KCNMB2: variants seen among roughly 807,000 people sequenced by gnomAD.
KCNMB2 encodes the protein calcium-activated potassium channel subunit beta-2.
KCNMB2 carries 9 observed loss-of-function variants against 24.5 expected under a neutral mutation model. The observed-to-expected ratio is 0.37, with a 90% CI of 0.22 to 0.64. The LOEUF is 0.64. KCNMB2 is among the 30% of genes least tolerant of loss of function. The probability of loss-of-function intolerance (pLI) is 0.63; values close to 1 mark genes in which losing one functional copy is unlikely to be tolerated. For synonymous variants in KCNMB2, 109 were observed against 104.4 expected, an observed-to-expected ratio of 1.04 and a Z score of -0.27; for missense variants, 226 against 284.3, an observed-to-expected ratio of 0.79 and a Z score of 1.47.
intron 1 of KCNMB2, among the ~76,000 whole-genome samples, chr3:178,732,078 AAGAC>A (rs562640397): frequency 1.3e-5 from 2 of 152,220 alleles, no homozygotes; most frequent in African/African-American, 2.4e-5. Flanking sequence ...AGAGAGAAAA[AAGAC>A]AGAGAGAGGT....
intron 2 of KCNMB2, 109 bp downstream of exon 2, chr3:178,807,574 G>T (rs1255299504): frequency 1.1e-6 from 1 of 893,786 alleles, no homozygotes; most frequent in African/African-American, 1.6e-5. Flanking sequence ...TTTGCAATGT[G>T]GGGACAGACT....
intron 1 of KCNMB2, among the ~76,000 whole-genome samples, chr3:178,564,944 C>T (rs923140012): frequency 1.9e-4 from 29 of 152,004 alleles, no homozygotes; most frequent in African/African-American, 9.7e-5. Context: ...ACTTATGATA[C>T]ATCTATATTC....
chr3:178,686,949 T>C (rs1008256053), intron 1 of KCNMB2, among the ~76,000 whole-genome samples: 1 of 152,154 alleles, frequency 6.6e-6, no homozygotes, highest in Non-Finnish European at 1.5e-5. Context: ...TTATTTATCT[T>C]TTTAACCATG....
At chr3:178,824,557 G>T (rs757838767) in intron 2 of KCNMB2, 2 of 163,064 alleles carry the variant, frequency 1.2e-5, no homozygotes, top group South Asian at 2.9e-4. Context: ...TTTTTTTTTA[G>T]TAGAGACGGG....
intron 1 of KCNMB2, among the ~76,000 whole-genome samples, chr3:178,713,876 A>G (rs528926105): frequency 1.1e-3 from 172 of 152,288 alleles, no homozygotes; most frequent in African/African-American, 3.8e-3. Context: ...CTCCCAAGTA[A>G]TATAGCCCCT....
intron 1 of KCNMB2, among the ~76,000 whole-genome samples, chr3:178,680,214 A>G (rs1721219293): frequency 6.6e-6 from 1 of 152,108 alleles, no homozygotes; most frequent in South Asian, 2.1e-4. Context: ...TGTGGGAGAG[A>G]GATAAGGTGA....
chr3:178,691,658 T>A (rs954017973), intron 1 of KCNMB2, among the ~76,000 whole-genome samples: 6 of 152,222 alleles, frequency 3.9e-5, no homozygotes, highest in Non-Finnish European at 7.3e-5. Flanking sequence ...AGTCTATCAT[T>A]GGTGGGCATT....
chr3:178,582,750 C>A (rs1717263230), intron 1 of KCNMB2, among the ~76,000 whole-genome samples: 1 of 152,076 alleles, frequency 6.6e-6, no homozygotes, highest in Non-Finnish European at 1.5e-5. Flanking sequence ...CTATATCTTT[C>A]TTAGGCCTTC....
At chr3:178,671,494 A>C (rs1474762999) in intron 1 of KCNMB2, among the ~76,000 whole-genome samples, 4 of 152,158 alleles carry the variant, frequency 2.6e-5, no homozygotes, top group African/African-American at 7.2e-5. Context: ...GCAAATGAGC[A>C]GTCTAGACTC....
chr3:178,549,667 T>C lies in KCNMB2; in HGVS notation c.-68+12956T>C, dbSNP rs76631495. The stretch of plus-strand genomic sequence containing the variant: ...AAAGCAGGTGAGCACACAGCAGTTT[T>C]AACAATAAGCTAAAGCAAGCTCTTT... On this transcript the variant is annotated intron_variant, in intron 1 of 4. Transcript: ENST00000452583. Among the ~76,000 whole-genome samples the C allele has an allele frequency of 7.6e-3, 1,151 of 152,146 alleles. 15 individuals carry two copies. The highest frequency in any genetic ancestry group is 0.027 in the African/African-American group (1,108 of 41,510).
At chr3:178,638,481 C>T (rs6443552) in intron 1 of KCNMB2, among the ~76,000 whole-genome samples, 27,205 of 152,158 alleles carry the variant, frequency 0.18, 3,534 homozygotes, top group African/African-American at 0.37. Context: ...GCCACCTCTT[C>T]TCTAAAGCTT....
intron 1 of KCNMB2, among the ~76,000 whole-genome samples, chr3:178,649,460 C>T (rs1253472023): frequency 4.0e-5 from 6 of 151,044 alleles, no homozygotes; most frequent in African/African-American, 1.5e-4. Context: ...ATTTTTTTTC[C>T]TCTTTGGTAG....
chr3:178,758,629 T>TCTCTCTCTCTCC (rs1711500866), intron 1 of KCNMB2, among the ~76,000 whole-genome samples: 1 of 67,896 alleles, frequency 1.5e-5, no homozygotes, highest in East Asian at 4.4e-4. Flanking sequence ...TATATATATA[T>TCTCTCTCTCTCC]ATCTCTCTCT....
At chr3:178,726,228 T>A (rs2108362761) in intron 1 of KCNMB2, among the ~76,000 whole-genome samples, 1 of 152,134 alleles carries the variant, frequency 6.6e-6, no homozygotes, top group Middle Eastern at 3.4e-3. Context: ...CTTCCCCCTT[T>A]ATCTTACAAT....
intron 1 of KCNMB2, among the ~76,000 whole-genome samples, chr3:178,581,426 C>T (rs1717198646): frequency 6.6e-6 from 1 of 152,076 alleles, no homozygotes; most frequent in Non-Finnish European, 1.5e-5. Flanking sequence ...AGAAGAAAAC[C>T]TAGGCAATAC....
chr3:178,670,283 G>A (rs1322384874), intron 1 of KCNMB2, among the ~76,000 whole-genome samples: 1 of 152,004 alleles, frequency 6.6e-6, no homozygotes, highest in Non-Finnish European at 1.5e-5. Flanking sequence ...TGCACTGTAG[G>A]ACATCTAGCA....
chr3:178,541,371 T>C (rs997469190), intron 1 of KCNMB2, among the ~76,000 whole-genome samples: 2 of 152,186 alleles, frequency 1.3e-5, no homozygotes, highest in East Asian at 3.9e-4. Context: ...AGGAAAGGGA[T>C]GGTAAAACCA....
chr3:178,595,687 G>T (rs1253454689), intron 1 of KCNMB2, among the ~76,000 whole-genome samples: 2 of 151,990 alleles, frequency 1.3e-5, no homozygotes, highest in East Asian at 3.9e-4. Context: ...CACCATAATT[G>T]TAAGTTTCCT....
chr3:178,637,101 T>C (rs1217760983), intron 1 of KCNMB2, among the ~76,000 whole-genome samples: 1 of 152,182 alleles, frequency 6.6e-6, no homozygotes, highest in Non-Finnish European at 1.5e-5. Context: ...ATCCAATCTA[T>C]CATTGATGGG....
Sources: allele counts gnomAD v4.1 joint callset (sites outside exome capture counted in the v4.1 genomes callset), GRCh38; gene constraint gnomAD v4.1.1; transcripts MANE v1.5; gene names NCBI Gene and HGNC (gene_info 2026-07-23, HGNC 2026-07-21).